Variants in WDR88 observed in about 807,000 individuals in gnomAD.
WDR88 encodes the protein WD repeat domain 88.
Under a neutral mutation model 46.8 loss-of-function variants are expected in WDR88, and 40 were observed. The ratio of observed to expected loss-of-function variants is 0.86; its 90% confidence interval spans 0.66 to 1.11. The LOEUF is 1.11. WDR88 is among the 50% of genes most tolerant of loss of function. WDR88 has a pLI of 0.00. For missense variants in WDR88, 562 were observed against 602.4 expected, an observed-to-expected ratio of 0.93 and a Z score of 0.70; for synonymous variants, 235 against 240.7, an observed-to-expected ratio of 0.98 and a Z score of 0.22.
Position 33,162,154 on chromosome 19 carries a change from T to TC in WDR88, c.1080+1659dup, listed in dbSNP as rs1475730435. ...TGCTGGCATAAAGCCCAGACATCATTCAGTGTCTGAGGCAGCAATGGCAGC... is the reference window on the plus strand; with the variant it reads ...TGCTGGCATAAAGCCCAGACATCATTCCAGTGTCTGAGGCAGCAATGGCAGC... On this transcript the variant is annotated intron_variant, in intron 8 of 10. Transcript: ENST00000355868. 2.0e-5 allele frequency among the ~76,000 whole-genome samples: 3 copies of TC among 152,206 alleles called. No individual in the cohort carries two copies. In the East Asian group the frequency reaches 5.8e-4, roughly 29 times the overall value.
chr19:33,136,050 C>T (rs1263165760), intron 1 of WDR88, among the ~76,000 whole-genome samples: 1 of 144,140 alleles, frequency 6.9e-6, no homozygotes, highest in Non-Finnish European at 1.5e-5. Flanking sequence ...ACACCACACT[C>T]GGCTAATTTT....
chr19:33,141,174 C>T (rs947060885), intron 2 of WDR88, among the ~76,000 whole-genome samples: 16 of 150,738 alleles, frequency 1.1e-4, no homozygotes, highest in Middle Eastern at 3.4e-3. Context: ...TTGGCTCAAG[C>T]GACTCTCCTG....
At position 33,156,457 on chromosome 19, in the gene WDR88, A is replaced by G; in HGVS notation, c.912A>G (p.Thr304=). 8 of 1,614,152 alleles carry G rather than the reference A, an allele frequency of 5.0e-6. No homozygotes were observed. Among genetic ancestry groups the G allele is most frequent in the Non-Finnish European group, 6.8e-6 (8 of 1,180,020 alleles). ...DKNLKIWNVH[T]GEFRNCGACV... The stretch of plus-strand genomic sequence containing the variant: ...ACTTAAAAATATGGAACGTCCACAC[A>G]GGGGAGTTTCGAAACTGTGGAGCCT... The change falls in exon 7 of 11, where the codon ACA becomes ACG. Residue 304 remains threonine (T), a synonymous_variant. Coordinates refer to ENST00000355868, the MANE Select transcript of WDR88 (RefSeq NM_173479.4).
chr19:33,157,793 C>A (rs563603277), intron 7 of WDR88, among the ~76,000 whole-genome samples: 1 of 148,198 alleles, frequency 6.7e-6, no homozygotes, highest in South Asian at 2.2e-4. Flanking sequence ...GTTCTGGCCC[C>A]TGGCAGTCCT....
chr19:33,144,676 T>G (rs1390887822), intron 2 of WDR88, among the ~76,000 whole-genome samples, 168 bp from the exon 3 acceptor site: 1 of 152,196 alleles, frequency 6.6e-6, no homozygotes, highest in Non-Finnish European at 1.5e-5. Context: ...GGGACGGACA[T>G]GTTGCAAAGT....
At chr19:33,144,266 C>T (rs920594913) in intron 2 of WDR88, among the ~76,000 whole-genome samples, 2 of 152,186 alleles carry the variant, frequency 1.3e-5, no homozygotes, top group African/African-American at 4.8e-5. Flanking sequence ...GTGGCGCAAT[C>T]TTAGCTCACT....
Position 33,137,704 on chromosome 19 carries a change from G to C in WDR88, c.304G>C (p.Glu102Gln). 1 of 1,613,922 alleles carries C rather than the reference G, an allele frequency of 6.2e-7. No homozygotes were observed. The highest frequency in any genetic ancestry group is 8.5e-7 in the Non-Finnish European group (1 of 1,179,988). The change falls in exon 2 of 11, where the codon GAG becomes CAG. Residue 102 changes from glutamate to glutamine, a missense_variant. Transcript: ENST00000355868. ...KIPFKILSGH[E>Q]HAVSTCHFCV... ...CCCATTTAAAATTCTGAGTGGGCAC[G>C]AGCACGCTGTGAGCACCTGCCACTT...
chr19:33,138,549 G>A (rs1037832405), intron 2 of WDR88, among the ~76,000 whole-genome samples: 10 of 151,690 alleles, frequency 6.6e-5, no homozygotes, highest in Non-Finnish European at 1.0e-4. Flanking sequence ...GTTTCACCAC[G>A]TTAGCCAGGC....
intron 9 of WDR88, among the ~76,000 whole-genome samples, chr19:33,167,480 A>G (rs116206399): frequency 0.011 from 1,600 of 152,290 alleles, 31 homozygotes; most frequent in African/African-American, 0.035. Context: ...GTAAAAGACT[A>G]AAATTTTTCT....
intron 1 of WDR88, among the ~76,000 whole-genome samples, chr19:33,134,913 CT>C (rs1239964290): frequency 1.3e-5 from 2 of 150,834 alleles, no homozygotes; most frequent in Non-Finnish European, 3.0e-5. Context: ...CCCCTCACCC[CT>C]GTCCTCCTGC....
chr19:33,174,499 G>C, intron 10 of WDR88: 2 of 985,460 alleles, frequency 2.0e-6, no homozygotes, highest in Non-Finnish European at 2.4e-6. Flanking sequence ...TTGTTAGTGG[G>C]AAGCAGACGT....
intron 7 of WDR88, among the ~76,000 whole-genome samples, chr19:33,159,040 G>T (rs1973815243): frequency 6.6e-6 from 1 of 151,904 alleles, no homozygotes; most frequent in African/African-American, 2.4e-5. Flanking sequence ...GTGTAAAATG[G>T]CTCCCTTGGC....
intron 9 of WDR88, among the ~76,000 whole-genome samples, chr19:33,164,757 C>T (rs528216679): frequency 6.6e-6 from 1 of 152,048 alleles, no homozygotes. Context: ...GCAGCAGTCC[C>T]CAACCTTTTT....
intron 10 of WDR88, 59 bp from the exon 11 acceptor site, chr19:33,175,337 T>C: frequency 6.4e-7 from 1 of 1,551,150 alleles, no homozygotes; most frequent in South Asian, 1.2e-5. Flanking sequence ...TCTAATGGCA[T>C]GCCTGGATCA....
At chr19:33,145,297 G>T (rs1973489064) in intron 3 of WDR88, among the ~76,000 whole-genome samples, 1 of 152,048 alleles carries the variant, frequency 6.6e-6, no homozygotes, top group Non-Finnish European at 1.5e-5. Flanking sequence ...GGGATTACAA[G>T]TGTGCACCAC....
In WDR88 at chr19:33,151,140, G is replaced by A; in HGVS notation, c.680-41G>A. The stretch of plus-strand genomic sequence containing the variant: ...GTGGGAGTCCTCCAGCCCAGCAGGT[G>A]GAAGGCGTGGTCTCAAGTCCCTTTC... On this transcript the variant is annotated intron_variant, in intron 5 of 10. Transcript: ENST00000355868. The A allele has an allele frequency of 3.1e-6, 5 of 1,594,876 alleles. 1 individual carries two copies. The South Asian group carries it at 5.6e-5, about 18-fold the overall frequency.
In WDR88 at chr19:33,157,615, GTA is replaced by G. The variant is rs542492234; in HGVS notation, c.997+1083_997+1084del. 4.9e-3 allele frequency among the ~76,000 whole-genome samples: 687 copies of G among 140,096 alleles called. 4 individuals carry two copies. Among genetic ancestry groups the G allele is most frequent in the African/African-American group, 0.012 (436 of 37,824 alleles). The allele number at this position is 140,096 out of a possible 152,430, so 91.9% of individuals were successfully genotyped here. ...TATGTGTATATATGTATATATATGTGTATATATATATGTATGTGTATATATGT... is the reference window on the plus strand; with the variant it reads ...TATGTGTATATATGTATATATATGTGTATATATATGTATGTGTATATATGT... On this transcript the variant is annotated intron_variant, in intron 7 of 10. Transcript: ENST00000355868.
intron 2 of WDR88, among the ~76,000 whole-genome samples, chr19:33,141,566 A>G (rs1973395661): frequency 6.6e-6 from 1 of 152,132 alleles, no homozygotes; most frequent in Non-Finnish European, 1.5e-5. Context: ...AAAGGTGGCA[A>G]TATATTAGAG....
chr19:33,136,936 T>C lies in WDR88; in HGVS notation c.277-741T>C, dbSNP rs190864376. Among the ~76,000 whole-genome samples the C allele has an allele frequency of 3.5e-4, 53 of 151,470 alleles. No homozygotes were observed. The East Asian group carries it at 9.5e-3, about 27-fold the overall frequency. ...ATCCTTTGCCCATTTAAAATTTTAA[T>C]TTTTATTATTTAAAGGCAGGGTCTT... is the stretch of plus-strand genomic sequence containing the variant. On this transcript the variant is annotated intron_variant, in intron 1 of 10. Transcript: ENST00000355868.
Sources: allele counts gnomAD v4.1 joint callset (sites outside exome capture counted in the v4.1 genomes callset), GRCh38; gene constraint gnomAD v4.1.1; transcripts MANE v1.5; gene names NCBI Gene and HGNC (gene_info 2026-07-23, HGNC 2026-07-21).